Variants in FAF1 observed in about 807,000 individuals in gnomAD.
FAF1 encodes the protein Fas associated factor 1.
A neutral mutation model predicts 92.5 loss-of-function variants in FAF1; 25 were observed. The observed-to-expected ratio is 0.27, with a 90% CI of 0.20 to 0.38. The LOEUF (loss-of-function observed/expected upper bound fraction) is 0.38. FAF1 is among the 10% of genes least tolerant of loss of function. FAF1 has a pLI of 1.00. For missense variants in FAF1, 636 were observed against 793.3 expected (o/e 0.80, Z 2.38); for synonymous variants, 234 against 273.2 (o/e 0.86, Z 1.42).
chr1:50,460,697 G>T (rs111313816), intron 18 of FAF1, among the ~76,000 whole-genome samples: 1 of 151,130 alleles, frequency 6.6e-6, no homozygotes, highest in African/African-American at 2.4e-5. Flanking sequence ...GTAGTGGTGC[G>T]ATCACAGCTT....
At chr1:50,874,810 C>T (rs1366515653) in intron 1 of FAF1, among the ~76,000 whole-genome samples, 1 of 124,176 alleles carries the variant, frequency 8.1e-6, no homozygotes. Flanking sequence ...CACTCTGTCA[C>T]CTGGGCTGGA....
intron 13 of FAF1, among the ~76,000 whole-genome samples, chr1:50,554,390 T>TATAGAGAG: frequency 0.012 from 1,149 of 93,612 alleles, 9 homozygotes; most frequent in African/African-American, 0.023. Context: ...TATATATATA[T>TATAGAGAG]AGAGAGAGAG....
intron 1 of FAF1, among the ~76,000 whole-genome samples, chr1:50,872,782 C>T (rs1644538784): frequency 6.6e-6 from 1 of 152,018 alleles, no homozygotes; most frequent in Non-Finnish European, 1.5e-5. Context: ...TGCCTGTAAT[C>T]CCAGCTACTC....
chr1:50,789,343 C>T (rs1214183585), intron 3 of FAF1, among the ~76,000 whole-genome samples: 1 of 152,162 alleles, frequency 6.6e-6, no homozygotes. Flanking sequence ...ATTTGCACAA[C>T]ATCTGGTACT....
At chr1:50,928,831 G>A (rs190787793) in intron 1 of FAF1, among the ~76,000 whole-genome samples, 36 of 142,974 alleles carry the variant, frequency 2.5e-4, no homozygotes, top group South Asian at 1.4e-3. Context: ...GCACAGTGGC[G>A]CATGCCTGTA....
chr1:50,751,516 G>T (rs972235244), intron 4 of FAF1, among the ~76,000 whole-genome samples: 3 of 151,988 alleles, frequency 2.0e-5, no homozygotes, highest in Non-Finnish European at 4.4e-5. Flanking sequence ...ACAAATTTTT[G>T]TATTTTTAGT....
intron 6 of FAF1, among the ~76,000 whole-genome samples, chr1:50,714,247 A>C (rs1022576448): frequency 2.1e-4 from 32 of 150,670 alleles, no homozygotes; most frequent in African/African-American, 7.8e-4. Flanking sequence ...TCACGCCTGT[A>C]ATCCTAGCAC....
intron 15 of FAF1, among the ~76,000 whole-genome samples, chr1:50,519,365 A>AGGG (rs1382287340): frequency 9.3e-6 from 1 of 107,944 alleles, no homozygotes; most frequent in African/African-American, 3.7e-5. Flanking sequence ...GGAAGGAAGG[A>AGGG]AGGAAGGAGG....
intron 8 of FAF1, among the ~76,000 whole-genome samples, chr1:50,651,635 T>C (rs148544469): frequency 2.6e-5 from 4 of 152,308 alleles, no homozygotes; most frequent in African/African-American, 9.6e-5. Flanking sequence ...CCATTCTAAG[T>C]ATTAAGTTAT....
At chr1:50,618,889 C>T (rs1653061981) in intron 8 of FAF1, among the ~76,000 whole-genome samples, 2 of 152,014 alleles carry the variant, frequency 1.3e-5, no homozygotes, top group South Asian at 2.1e-4. Flanking sequence ...GCTGGGATTA[C>T]AGGCGTGCAC....
rs535870766 is a variant in FAF1 at position 50,791,462 on chromosome 1, G to C, written c.162-3257C>G. ...CTACCAAGAGGAGACACTATCTAGA[G>C]ATTAGTAGTTAAAGAGGGGAGGAGA... On this transcript the variant is annotated intron_variant, in intron 3 of 18. Coordinates refer to ENST00000396153, the MANE Select transcript of FAF1 (RefSeq NM_007051.3). Among the ~76,000 whole-genome samples, 6 of 152,318 alleles carry C rather than the reference G, an allele frequency of 3.9e-5. No homozygotes were observed. The South Asian group carries it at 1.2e-3, about 32-fold the overall frequency.
At chr1:50,676,063 T>G (rs1445059227) in intron 7 of FAF1, among the ~76,000 whole-genome samples, 1 of 152,184 alleles carries the variant, frequency 6.6e-6, no homozygotes, top group Non-Finnish European at 1.5e-5. Flanking sequence ...CTGCCAGCCA[T>G]TCCTCCAACC....
intron 1 of FAF1, among the ~76,000 whole-genome samples, chr1:50,955,860 A>G (rs558907177): frequency 6.6e-6 from 1 of 152,368 alleles, no homozygotes; most frequent in African/African-American, 2.4e-5. Context: ...TGGGCACATT[A>G]TGCTAAGTGA....
chr1:50,920,416 C>T (rs1386375438), intron 1 of FAF1, among the ~76,000 whole-genome samples: 3 of 152,130 alleles, frequency 2.0e-5, no homozygotes, highest in Non-Finnish European at 4.4e-5. Context: ...CTGCAGATGA[C>T]AGACATTGTC....
chr1:50,760,663 G>C (rs1184289309), intron 4 of FAF1, among the ~76,000 whole-genome samples: 1 of 152,074 alleles, frequency 6.6e-6, no homozygotes, highest in African/African-American at 2.4e-5. Context: ...CAACATACCA[G>C]AATCTCTGGG....
chr1:50,895,052 T>A (rs537150164), intron 1 of FAF1, among the ~76,000 whole-genome samples: 56 of 151,806 alleles, frequency 3.7e-4, no homozygotes, highest in African/African-American at 1.3e-3. Flanking sequence ...ATAAATGCAA[T>A]TGAAACAAAT....
rs1040976547 is a variant in FAF1, at chr1:50,438,621, A to C, written c.*2819T>G. 1 of 152,218 alleles carries C rather than the reference A, an allele frequency of 6.6e-6. No individual in the cohort carries two copies. Among genetic ancestry groups the C allele is most frequent in the Non-Finnish European group, 1.5e-5 (1 of 68,044 alleles). The allele number at this position is 152,218 out of a possible 1,614,324, so 9.4% of individuals were successfully genotyped here. A position where few individuals can be genotyped will look rare whatever the true frequency, so the allele number is the denominator to read the frequency against. On this transcript the variant is annotated 3_prime_UTR_variant, in exon 19 of 19. Transcript: ENST00000396153. ...CAGTGATGCTGTTGTGGAGAGAATT[A>C]AGACCCTCTCCCACATTCAAATGAA...
At chr1:50,695,772 C>T (rs1476429602) in intron 7 of FAF1, among the ~76,000 whole-genome samples, 1 of 152,114 alleles carries the variant, frequency 6.6e-6, no homozygotes, top group Admixed American at 6.5e-5. Flanking sequence ...TCTCAGCCTC[C>T]TGAGTAGCTG....
At chr1:50,521,711 T>A (rs1372010755) in intron 15 of FAF1, among the ~76,000 whole-genome samples, 1 of 152,252 alleles carries the variant, frequency 6.6e-6, no homozygotes, top group Non-Finnish European at 1.5e-5. Flanking sequence ...TGAATGCTTT[T>A]ACAGTAATAA....
Sources: gnomAD v4.1 joint callset for allele counts (sites outside exome capture counted in the v4.1 genomes callset) on GRCh38, gnomAD v4.1.1 for gene constraint, MANE v1.5 for transcripts, NCBI Gene and HGNC (gene_info 2026-07-23, HGNC 2026-07-21) for gene names.